AMMECR1: variants seen among roughly 807,000 people sequenced by gnomAD.
AMMECR1 encodes the protein nuclear protein AMMECR1.
In AMMECR1, 3 loss-of-function variants were observed where a neutral mutation model predicts 22.5. The observed-to-expected ratio is 0.13, with a 90% CI of 0.06 to 0.35. The LOEUF (loss-of-function observed/expected upper bound fraction) is 0.35, where lower values mean the gene tolerates loss of function less well. Among genes scored for constraint, AMMECR1 ranks in the 10% least tolerant of loss-of-function variants. The pLI is 1.00. For synonymous variants in AMMECR1, 130 were observed against 116.7 expected, an observed-to-expected ratio of 1.11 and a Z score of -0.74; for missense variants, 235 against 278.7, an observed-to-expected ratio of 0.84 and a Z score of 1.12.
chrX:110,302,303 T>C (rs191612037), intron 1 of AMMECR1, among the ~76,000 whole-genome samples: 21 of 110,885 alleles, frequency 1.9e-4, no homozygotes, highest in Non-Finnish European at 2.8e-4. Flanking sequence ...AGTTAGACAG[T>C]GTTTATACAC....
intron 2 of AMMECR1, among the ~76,000 whole-genome samples, chrX:110,237,487 T>C (rs184867784): frequency 8.1e-4 from 90 of 111,181 alleles, no homozygotes; most frequent in African/African-American, 2.9e-3. Flanking sequence ...TCAGGGTATT[T>C]GTCACCTAAG....
At chrX:110,404,722 T>G (rs953711975) in intron 2 of AMMECR1, among the ~76,000 whole-genome samples, 1 of 111,350 alleles carries the variant, frequency 9.0e-6, no homozygotes, top group Admixed American at 9.5e-5. Context: ...TCTGACCACT[T>G]CCCATTAAAT....
intron 2 of AMMECR1, among the ~76,000 whole-genome samples, chrX:110,378,031 A>AAT (rs1331092017): frequency 8.4e-5 from 9 of 107,596 alleles, no homozygotes; most frequent in African/African-American, 2.7e-4. Flanking sequence ...AAAAAAAAAA[A>AAT]ATATCTACCT....
chrX:110,346,948 G>A (rs759214223), intron 2 of AMMECR1: 1 of 524,788 alleles, frequency 1.9e-6, no homozygotes, highest in East Asian at 3.6e-5. Context: ...GGGTCGGTGG[G>A]TCGTGGGCCG....
At chrX:110,392,167 G>A (rs1470098824) in intron 2 of AMMECR1, among the ~76,000 whole-genome samples, 1 of 110,859 alleles carries the variant, frequency 9.0e-6, no homozygotes, top group Non-Finnish European at 1.9e-5. Context: ...ATCACATTAA[G>A]TATCAAGTAA....
chrX:110,358,183 G>C (rs867927180), intron 2 of AMMECR1, among the ~76,000 whole-genome samples: 1 of 111,759 alleles, frequency 8.9e-6, no homozygotes, highest in South Asian at 3.8e-4. Context: ...AGAGTTGCGG[G>C]TTCTTTCTCT....
intron 2 of AMMECR1, among the ~76,000 whole-genome samples, chrX:110,256,189 C>T (rs1235303137): frequency 8.9e-6 from 1 of 111,764 alleles, no homozygotes; most frequent in Non-Finnish European, 1.9e-5. Flanking sequence ...AGCTGTACAG[C>T]ATGTTACTAT....
At chrX:110,345,862 C>G (rs1306187622) in intron 2 of AMMECR1, among the ~76,000 whole-genome samples, 1 of 111,732 alleles carries the variant, frequency 8.9e-6, no homozygotes, top group East Asian at 2.8e-4. Context: ...TAAATTTTGA[C>G]AAAAATGGTT....
chrX:110,372,937 G>T (rs1182123132), intron 2 of AMMECR1, among the ~76,000 whole-genome samples: 1 of 111,877 alleles, frequency 8.9e-6, no homozygotes, highest in Non-Finnish European at 1.9e-5. Flanking sequence ...AGAGTAGAAG[G>T]ATGCTGCCCC....
At chrX:110,416,519 T>A (rs1024904166) in intron 2 of AMMECR1, among the ~76,000 whole-genome samples, 7 of 110,917 alleles carry the variant, frequency 6.3e-5, no homozygotes, top group African/African-American at 2.3e-4. Context: ...CAGGCTAGCA[T>A]GTGACAGAGC....
chrX:110,335,451 C>G (rs1245829859), intron 2 of AMMECR1, among the ~76,000 whole-genome samples: 1 of 111,663 alleles, frequency 9.0e-6, no homozygotes, highest in Non-Finnish European at 1.9e-5. Context: ...TGATATCCAG[C>G]ATAGAATGGT....
rs748040281 is a variant in AMMECR1 at position 110,432,433 on chromosome X, G to A, written c.-293-5630C>T. On this transcript the variant is annotated intron_variant, in intron 1 of 7. Transcript: ENST00000372057. ...AGTGGTAGTGGTAGTGGTGGGGAGG[G>A]TTGATAGCTTCGAGAGAAGAGCTGG... 3.6e-3 allele frequency among the ~76,000 whole-genome samples: 407 copies of A among 112,243 alleles called. 3 individuals are homozygous for A. The highest frequency in any genetic ancestry group is 6.5e-3 in the Non-Finnish European group (346 of 53,199).
chrX:110,296,544 T>C (rs755796068), intron 1 of AMMECR1, among the ~76,000 whole-genome samples: 1 of 112,249 alleles, frequency 8.9e-6, no homozygotes, highest in African/African-American at 3.2e-5. Flanking sequence ...CACAGGTCTC[T>C]TAGGCTTTGC....
chrX:110,237,412 A>T (rs2067607237), intron 2 of AMMECR1, among the ~76,000 whole-genome samples: 1 of 110,921 alleles, frequency 9.0e-6, no homozygotes, highest in Non-Finnish European at 1.9e-5. Context: ...AATGAGAATT[A>T]TCTAGTGGGA....
At chrX:110,343,207 T>C (rs1238120888) in intron 2 of AMMECR1, among the ~76,000 whole-genome samples, 1 of 111,983 alleles carries the variant, frequency 8.9e-6, no homozygotes, top group African/African-American at 3.3e-5. Context: ...TCAATAAATG[T>C]AATCCAGCAT....
chrX:110,415,837 A>T (rs772365021), intron 2 of AMMECR1, among the ~76,000 whole-genome samples: 90 of 111,094 alleles, frequency 8.1e-4, no homozygotes, highest in African/African-American at 2.9e-3. Flanking sequence ...TGAGTGGGGA[A>T]ACTGATTGTC....
intron 1 of AMMECR1, among the ~76,000 whole-genome samples, chrX:110,430,007 T>C (rs1243229923): frequency 8.9e-6 from 1 of 112,261 alleles, no homozygotes; most frequent in Non-Finnish European, 1.9e-5. Flanking sequence ...GGTAATCCTA[T>C]GAAAACTGGG....
intron 2 of AMMECR1, among the ~76,000 whole-genome samples, chrX:110,251,459 T>C (rs1001512095): frequency 1.8e-5 from 2 of 112,204 alleles, no homozygotes; most frequent in African/African-American, 6.5e-5. Flanking sequence ...ATTGTGTGCA[T>C]GGCTGGAGTG....
At chrX:110,265,541 C>T (rs966919789) in intron 1 of AMMECR1, among the ~76,000 whole-genome samples, 2 of 111,640 alleles carry the variant, frequency 1.8e-5, no homozygotes, top group African/African-American at 6.5e-5. Context: ...CTGACAGCCT[C>T]AATTAATGGT....
Sources: gnomAD v4.1 joint callset for allele counts (sites outside exome capture counted in the v4.1 genomes callset) on GRCh38, gnomAD v4.1.1 for gene constraint, MANE v1.5 for transcripts, NCBI Gene and HGNC (gene_info 2026-07-23, HGNC 2026-07-21) for gene names.